The following HPCAL1 variants were observed in gnomAD, a reference collection of about 807,000 sequenced individuals.
HPCAL1 encodes hippocalcin-like protein 1.
In HPCAL1, 8 loss-of-function variants were observed where a neutral mutation model predicts 17.1. That is an observed-to-expected ratio of 0.47 (90% CI 0.27 to 0.84). The LOEUF (loss-of-function observed/expected upper bound fraction) is 0.84. Ranked by LOEUF, HPCAL1 falls within the 40% of genes least tolerant of loss-of-function variation. The pLI, the probability that HPCAL1 is intolerant of heterozygous loss-of-function variation, is 0.13. For synonymous variants in HPCAL1, 112 were observed against 111.4 expected (o/e 1.01, Z -0.03); for missense variants, 165 against 271.1 (o/e 0.61, Z 2.75).
chr2:10,377,872 A>G lies in HPCAL1; in HGVS notation c.-110-18963A>G, dbSNP rs1301913777. Among the ~76,000 whole-genome samples the G allele has an allele frequency of 6.6e-6, 1 of 152,142 alleles. No individual in the cohort carries two copies. The highest frequency in any genetic ancestry group is 1.5e-5 in the Non-Finnish European group (1 of 68,014). ...GGAGGGTATTCAAGGGCGGCAAGCC[A>G]CCAAGGGGACGGGGCAGGCACAGGG... On this transcript the variant is annotated intron_variant, in intron 1 of 4. Coordinates refer to ENST00000307845, the MANE Select transcript of HPCAL1 (RefSeq NM_002149.4). This position sits in a 1 kb window ranked among gnomAD's most constrained non-coding sequence, Gnocchi z 5.9.
At chr2:10,312,342 TATC>T (rs1352937187) in intron 1 of HPCAL1, among the ~76,000 whole-genome samples, 1 of 136,646 alleles carries the variant, frequency 7.3e-6, no homozygotes, top group Non-Finnish European at 1.6e-5. Flanking sequence ...ATCATCATCA[TATC>T]ATCCTCATCC....
chr2:10,423,181 G>C, intron 4 of HPCAL1, 93 bp downstream of exon 4: 1 of 934,126 alleles, frequency 1.1e-6, no homozygotes, highest in East Asian at 2.6e-5. Context: ...GCAGCTTCTT[G>C]GTCTCCTGAG....
chr2:10,378,536 T>C (rs1016580155), intron 1 of HPCAL1, among the ~76,000 whole-genome samples: 1 of 152,144 alleles, frequency 6.6e-6, no homozygotes, highest in Non-Finnish European at 1.5e-5. Flanking sequence ...TTTTTCTCTG[T>C]GTCCTCCTGT....
intron 1 of HPCAL1, among the ~76,000 whole-genome samples, chr2:10,347,104 C>T (rs984812146): frequency 3.9e-5 from 6 of 152,096 alleles, no homozygotes; most frequent in Admixed American, 1.3e-4. Flanking sequence ...AGCCCCGCAC[C>T]GCCCCCGCCC....
Position 10,330,965 on chromosome 2 carries a change from G to A in HPCAL1, c.-111+27788G>A, listed in dbSNP as rs78052381. On this transcript the variant is annotated intron_variant, in intron 1 of 4. Transcript: ENST00000307845. The surrounding 1 kb of genome is among the most constrained non-coding windows in gnomAD (Gnocchi z 4.2). ...CCCCTGCATTCGGAGAGCCTTAGCG[G>A]GAAGCCTGTTGCTTGTGCCTCCTTT... 4.2e-4 allele frequency among the ~76,000 whole-genome samples: 64 copies of A among 152,266 alleles called. 1 individual carries two copies. The highest frequency in any genetic ancestry group is 1.5e-3 in the African/African-American group (62 of 41,552).
At chr2:10,371,933 C>A (rs373500688) in intron 1 of HPCAL1, among the ~76,000 whole-genome samples, 2 of 152,202 alleles carry the variant, frequency 1.3e-5, no homozygotes, top group African/African-American at 2.4e-5. Flanking sequence ...CGGGCCCAAC[C>A]GCCTCCTCCA....
At chr2:10,350,078 T>A (rs1049480580) in intron 1 of HPCAL1, among the ~76,000 whole-genome samples, 4 of 152,198 alleles carry the variant, frequency 2.6e-5, no homozygotes, top group Admixed American at 6.5e-5. Context: ...TCCTTTTAAT[T>A]CCTCTTCTGA....
At chr2:10,383,376 T>A (rs1172028956) in intron 1 of HPCAL1, among the ~76,000 whole-genome samples, 1 of 151,898 alleles carries the variant, frequency 6.6e-6, no homozygotes, top group African/African-American at 2.4e-5. Flanking sequence ...ACCCCCCTTT[T>A]TTTTCAGACC....
intron 1 of HPCAL1, among the ~76,000 whole-genome samples, chr2:10,366,302 C>T (rs1454895642): frequency 3.9e-5 from 6 of 152,184 alleles, no homozygotes; most frequent in Admixed American, 2.0e-4. Context: ...GTGGTGCGAT[C>T]TCGTCTCACT....
chr2:10,339,162 A>T (rs1040922776), intron 1 of HPCAL1, among the ~76,000 whole-genome samples: 10 of 151,902 alleles, frequency 6.6e-5, no homozygotes, highest in Admixed American at 3.3e-4. Context: ...TGAAAAAAAA[A>T]TTTTTTTTGA....
chr2:10,333,753 A>G (rs1209931803), intron 1 of HPCAL1, among the ~76,000 whole-genome samples: 1 of 152,294 alleles, frequency 6.6e-6, no homozygotes, highest in East Asian at 1.9e-4. Context: ...CCACCTCCAT[A>G]TAACTTTTAT....
chr2:10,394,141 A>C lies in HPCAL1; in HGVS notation c.-110-2694A>C, dbSNP rs1408926023. Among the ~76,000 whole-genome samples, 3 of 144,772 alleles carry C rather than the reference A, an allele frequency of 2.1e-5. No homozygotes were observed. In the East Asian group the frequency reaches 6.2e-4, roughly 30 times the overall value. 95.0% of individuals were successfully genotyped at this position (144,772 alleles called of 152,430 possible). A position where few individuals can be genotyped will look rare whatever the true frequency, so the allele number is the denominator to read the frequency against. ...TGAAAAACAAACAAACAAAAAAAAA[A>C]CCTTGTAACTAACCAGAGCAGCTGA... On this transcript the variant is annotated intron_variant, in intron 1 of 4. Coordinates refer to ENST00000307845, the MANE Select transcript of HPCAL1 (RefSeq NM_002149.4). The surrounding 1 kb of genome is among the most constrained non-coding windows in gnomAD (Gnocchi z 5.0).
Position 10,330,598 on chromosome 2 carries a change from A to G in HPCAL1, c.-111+27421A>G, listed in dbSNP as rs117584173. Among the ~76,000 whole-genome samples the G allele has an allele frequency of 6.6e-6, 1 of 152,156 alleles. No homozygotes were observed. Among genetic ancestry groups the G allele is most frequent in the East Asian group, 1.9e-4 (1 of 5,168 alleles). ...TTTCTCCCTCTGTTCTCACACGGCCATCCCTCCGAGTGTGTCTGAGTCCCA... is the reference window on the plus strand; with the variant it reads ...TTTCTCCCTCTGTTCTCACACGGCCGTCCCTCCGAGTGTGTCTGAGTCCCA... On this transcript the variant is annotated intron_variant, in intron 1 of 4. Transcript: ENST00000307845. The surrounding 1 kb of genome is among the most constrained non-coding windows in gnomAD (Gnocchi z 4.2).
chr2:10,416,016 C>T (rs570263578), intron 2 of HPCAL1, among the ~76,000 whole-genome samples: 3 of 152,326 alleles, frequency 2.0e-5, no homozygotes, highest in South Asian at 2.1e-4. Context: ...CCATCCTCTA[C>T]CTGTCCTTCT....
intron 2 of HPCAL1, among the ~76,000 whole-genome samples, chr2:10,399,484 TCACCGCCACCATCACCATCACCAC>T (rs1460194148): frequency 1.5e-4 from 5 of 34,354 alleles, no homozygotes; most frequent in Admixed American, 2.8e-4. Flanking sequence ...ATCACCACCA[TCACCGCCACCATCACCATCACCAC>T]CACCGCCGCC....
chr2:10,306,733 T>C (rs1401594784), intron 1 of HPCAL1, among the ~76,000 whole-genome samples: 1 of 152,226 alleles, frequency 6.6e-6, no homozygotes, highest in Non-Finnish European at 1.5e-5. Context: ...TAGATGCTGA[T>C]GAGCAGGGCG....
chr2:10,422,292 G>A (rs373856531), intron 3 of HPCAL1, among the ~76,000 whole-genome samples: 3 of 152,310 alleles, frequency 2.0e-5, no homozygotes, highest in South Asian at 2.1e-4. Flanking sequence ...CCACCTTCAC[G>A]TGGAGTGCTC....
intron 1 of HPCAL1, among the ~76,000 whole-genome samples, chr2:10,340,011 T>C (rs1332113301): frequency 1.3e-5 from 2 of 152,260 alleles, no homozygotes; most frequent in Non-Finnish European, 2.9e-5. Flanking sequence ...ATGAGTTCTT[T>C]CACTTGGTTT....
Position 10,362,808 on chromosome 2 carries a change from T to C in HPCAL1, c.-110-34027T>C, listed in dbSNP as rs934456717. On this transcript the variant is annotated intron_variant, in intron 1 of 4. Transcript: ENST00000307845. The surrounding 1 kb of genome is among the most constrained non-coding windows in gnomAD (Gnocchi z 5.0). ...CAGGTAGGAGTGCTGAGTCATGAGATTGGGTTGAATGGCGGCTTTAGCACA... is the reference window on the plus strand; with the variant it reads ...CAGGTAGGAGTGCTGAGTCATGAGACTGGGTTGAATGGCGGCTTTAGCACA... Among the ~76,000 whole-genome samples the C allele has an allele frequency of 5.9e-5, 9 of 152,162 alleles. No individual in the cohort carries two copies. In the South Asian group the frequency reaches 6.2e-4, roughly 11 times the overall value.
Sources: allele counts gnomAD v4.1 joint callset (sites outside exome capture counted in the v4.1 genomes callset), GRCh38; gene constraint gnomAD v4.1.1; non-coding constraint Gnocchi (gnomAD v3.1); transcripts MANE v1.5; gene names NCBI Gene and HGNC (gene_info 2026-07-23, HGNC 2026-07-21).